SEC31A: variants seen among roughly 807,000 people sequenced by gnomAD.
SEC31A encodes protein transport protein Sec31A.
Under a neutral mutation model 151.0 loss-of-function variants are expected in SEC31A, and 70 were observed. That is an observed-to-expected ratio of 0.46 (90% confidence interval 0.38 to 0.57). SEC31A has a LOEUF of 0.57. Ranked by LOEUF, SEC31A falls within the 20% of genes least tolerant of loss-of-function variation. The pLI, the probability that SEC31A is intolerant of heterozygous loss-of-function variation, is 0.00. For missense variants in SEC31A, 1,330 were observed against 1,471.2 expected (o/e 0.90, Z 1.57); for synonymous variants, 475 against 505.9 (o/e 0.94, Z 0.82).
chr4:82,874,391 A>G (rs1560653065), intron 6 of SEC31A, among the ~76,000 whole-genome samples: 2 of 152,216 alleles, frequency 1.3e-5, no homozygotes, highest in African/African-American at 4.8e-5. Context: ...TGATTAACCA[A>G]TCTCTCTTCA....
chr4:82,841,743 G>C (rs1175646371), intron 22 of SEC31A, among the ~76,000 whole-genome samples: 1 of 151,326 alleles, frequency 6.6e-6, no homozygotes, highest in African/African-American at 2.4e-5. Flanking sequence ...AGGCCGAAGC[G>C]GGTGGATCAC....
At chr4:82,862,710 G>C (rs1734469668) in intron 12 of SEC31A, 138 bp from the exon 13 acceptor site, 3 of 677,042 alleles carry the variant, frequency 4.4e-6, no homozygotes, top group Non-Finnish European at 7.8e-6. Context: ...AATTAAAAAA[G>C]CTATGCAGAA....
intron 24 of SEC31A, among the ~76,000 whole-genome samples, chr4:82,826,537 G>C (rs1724619080): frequency 1.3e-5 from 2 of 152,142 alleles, no homozygotes; most frequent in Non-Finnish European, 2.9e-5. Context: ...ATTTTTAGTA[G>C]AGACAGGGTT....
chr4:82,861,783 A>T (rs1734174453), intron 13 of SEC31A, 75 bp from the exon 14 acceptor site: 1 of 919,696 alleles, frequency 1.1e-6, no homozygotes, highest in Non-Finnish European at 1.7e-6. Flanking sequence ...CCAGGAAGAC[A>T]AAAGACCCAA....
At chr4:82,860,343 T>C (rs1487871545) in intron 14 of SEC31A, among the ~76,000 whole-genome samples, 1 of 152,220 alleles carries the variant, frequency 6.6e-6, no homozygotes, top group African/African-American at 2.4e-5. Context: ...TAAATGCATA[T>C]ATTTCTTACC....
chr4:82,898,015 C>G (rs1355961141), intron 3 of SEC31A: 1 of 152,170 alleles, frequency 6.6e-6, no homozygotes, highest in Non-Finnish European at 1.5e-5. Flanking sequence ...GAGTAATTAT[C>G]TTCCAAGACC....
intron 19 of SEC31A, 125 bp from the exon 20 acceptor site, chr4:82,849,102 C>A: frequency 2.5e-6 from 2 of 814,942 alleles, no homozygotes; most frequent in Non-Finnish European, 3.8e-6. Flanking sequence ...GGGTATTATA[C>A]AATAGACCCT....
intron 1 of SEC31A, among the ~76,000 whole-genome samples, chr4:82,883,860 G>A (rs918529624): frequency 1.3e-5 from 2 of 151,336 alleles, no homozygotes; most frequent in African/African-American, 4.9e-5. Flanking sequence ...AAAAATGTTA[G>A]CTCTGTATAG....
intron 7 of SEC31A, among the ~76,000 whole-genome samples, chr4:82,871,187 G>A (rs917203373): frequency 6.6e-6 from 1 of 152,006 alleles, no homozygotes; most frequent in Admixed American, 6.6e-5. Context: ...AAATATATAC[G>A]TATCATTTTG....
chr4:82,879,436 CAT>C (rs1420730425), intron 3 of SEC31A, among the ~76,000 whole-genome samples: 2 of 149,660 alleles, frequency 1.3e-5, no homozygotes, highest in Non-Finnish European at 3.0e-5. Context: ...TTAAAGGAGT[CAT>C]GTGAAATTTT....
intron 22 of SEC31A, among the ~76,000 whole-genome samples, chr4:82,834,597 G>A (rs1049220764): frequency 5.3e-5 from 8 of 152,136 alleles, no homozygotes; most frequent in Non-Finnish European, 1.0e-4. Context: ...GGTGGGGAAG[G>A]TCTGCTGAAT....
chr4:82,850,429 G>A (rs981689004), intron 19 of SEC31A, among the ~76,000 whole-genome samples: 1 of 151,978 alleles, frequency 6.6e-6, no homozygotes, highest in African/African-American at 2.4e-5. Context: ...AAACCAACTA[G>A]AGAGTCCTAC....
chr4:82,843,254 C>T, intron 21 of SEC31A, among the ~76,000 whole-genome samples: 1 of 151,568 alleles, frequency 6.6e-6, no homozygotes, highest in Non-Finnish European at 1.5e-5. Context: ...CCTCAGCCTC[C>T]TGAGTAGCTG....
In SEC31A at chr4:82,818,988, G is replaced by A. The variant is rs1247198501; in HGVS notation, c.*86C>T. The A allele has an allele frequency of 2.1e-5, 22 of 1,066,438 alleles. No individual in the cohort carries two copies. The highest frequency in any genetic ancestry group is 5.7e-5 in the Admixed American group (2 of 35,202). The allele number at this position is 1,066,438 out of a possible 1,614,324, so 66.1% of individuals were successfully genotyped here. The stretch of plus-strand genomic sequence containing the variant: ...CTGGTTGCTATGCAAACATGCTAAT[G>A]AGGACTAGTCCATGTCTTATAATTT... On this transcript the variant is annotated 3_prime_UTR_variant, in exon 27 of 27. Transcript: ENST00000395310.
At chr4:82,858,181 G>A (rs894093720) in intron 14 of SEC31A, among the ~76,000 whole-genome samples, 3 of 151,960 alleles carry the variant, frequency 2.0e-5, no homozygotes, top group Admixed American at 6.6e-5. Context: ...GGGAGGCTGA[G>A]GTGGGCGGAT....
intron 20 of SEC31A, chr4:82,845,141 A>G (rs1729774857): frequency 1.8e-6 from 2 of 1,125,062 alleles, no homozygotes; most frequent in East Asian, 2.6e-5. Context: ...AGTAGAGAAC[A>G]TATAACTGTA....
chr4:82,868,964 A>C (rs1271298593), intron 8 of SEC31A, among the ~76,000 whole-genome samples: 1 of 152,050 alleles, frequency 6.6e-6, no homozygotes, highest in African/African-American at 2.4e-5. Context: ...CGTGACATTT[A>C]AAATGTTTCA....
chr4:82,858,498 T>C (rs1413681823), intron 14 of SEC31A, among the ~76,000 whole-genome samples: 6 of 131,062 alleles, frequency 4.6e-5, no homozygotes, highest in Non-Finnish European at 9.4e-5. Flanking sequence ...GAGTTGAGAT[T>C]GCGCCACTGC....
chr4:82,900,031 C>T (rs1720247105), intron 2 of SEC31A: 1 of 152,326 alleles, frequency 6.6e-6, no homozygotes. Flanking sequence ...TTAATTGCCC[C>T]TTGTCCCCTG....
Sources: allele counts gnomAD v4.1 joint callset (sites outside exome capture counted in the v4.1 genomes callset), GRCh38; gene constraint gnomAD v4.1.1; transcripts MANE v1.5; gene names NCBI Gene and HGNC (gene_info 2026-07-23, HGNC 2026-07-21).